The following ARSB variants were observed in gnomAD, a reference collection of about 807,000 sequenced individuals.
ARSB encodes arylsulfatase B.
Under a neutral mutation model 50.9 loss-of-function variants are expected in ARSB, and 41 were observed. The observed-to-expected ratio is 0.81, with a 90% CI of 0.63 to 1.04. The LOEUF is 1.04. Among genes scored for constraint, ARSB ranks in the 50% least tolerant of loss-of-function variants. ARSB has a pLI of 0.00. For missense variants in ARSB, 672 were observed against 693.3 expected, an observed-to-expected ratio of 0.97 and a Z score of 0.35; for synonymous variants, 269 against 284.8, an observed-to-expected ratio of 0.94 and a Z score of 0.56.
intron 4 of ARSB, among the ~76,000 whole-genome samples, chr5:78,925,111 C>A (rs1465451354): frequency 1.3e-5 from 2 of 152,110 alleles, no homozygotes; most frequent in African/African-American, 4.8e-5. Context: ...ATTATCATGA[C>A]CCATAATTTC....
At chr5:78,812,407 G>C (rs1377502531) in intron 6 of ARSB, among the ~76,000 whole-genome samples, 2 of 152,156 alleles carry the variant, frequency 1.3e-5, no homozygotes, top group Non-Finnish European at 2.9e-5. Flanking sequence ...ACCAGGCTGG[G>C]AAAGTTGTTT....
chr5:78,823,811 A>T (rs1189979183), intron 6 of ARSB, among the ~76,000 whole-genome samples: 2 of 152,230 alleles, frequency 1.3e-5, no homozygotes, highest in Non-Finnish European at 2.9e-5. Context: ...ACATTTTGGC[A>T]TTTGGATAAT....
At chr5:78,904,290 C>T (rs1054803852) in intron 4 of ARSB, among the ~76,000 whole-genome samples, 3 of 152,116 alleles carry the variant, frequency 2.0e-5, no homozygotes, top group Non-Finnish European at 4.4e-5. Context: ...AATAAAGATG[C>T]TATAAATATA....
intron 6 of ARSB, 67 bp from the exon 7 acceptor site, chr5:78,782,041 T>G (rs1748942678): frequency 1.2e-6 from 2 of 1,600,784 alleles, no homozygotes; most frequent in East Asian, 4.5e-5. Flanking sequence ...AATCAGCATT[T>G]TATACCCTTG....
At chr5:78,894,297 A>G (rs1253217921) in intron 4 of ARSB, among the ~76,000 whole-genome samples, 1 of 152,268 alleles carries the variant, frequency 6.6e-6, no homozygotes, top group Admixed American at 6.5e-5. Context: ...AGAGAAAGCT[A>G]GCACATTCTA....
intron 6 of ARSB, among the ~76,000 whole-genome samples, chr5:78,822,719 G>A (rs547077247): frequency 4.6e-5 from 7 of 152,036 alleles, no homozygotes; most frequent in Non-Finnish European, 8.8e-5. Context: ...CTTACTGCAA[G>A]CTCTGCCTTC....
chr5:78,808,009 C>T (rs1047793047), intron 6 of ARSB, among the ~76,000 whole-genome samples: 3 of 132,386 alleles, frequency 2.3e-5, no homozygotes, highest in South Asian at 5.1e-4. Flanking sequence ...AGGAGAATGG[C>T]GTGAACCCGG....
chr5:78,818,710 TG>T (rs1744099814), intron 6 of ARSB, among the ~76,000 whole-genome samples: 1 of 140,580 alleles, frequency 7.1e-6, no homozygotes, highest in Non-Finnish European at 1.5e-5. Context: ...CTCCGCCTCC[TG>T]GGTCCATGCC....
chr5:78,822,610 G>A (rs567488512), intron 6 of ARSB, among the ~76,000 whole-genome samples: 1 of 152,112 alleles, frequency 6.6e-6, no homozygotes, highest in East Asian at 1.9e-4. Context: ...TAACAATTTG[G>A]TATTCTCTTT....
intron 4 of ARSB, among the ~76,000 whole-genome samples, chr5:78,902,640 T>C (rs1748859906): frequency 1.3e-5 from 2 of 152,184 alleles, no homozygotes; most frequent in East Asian, 1.9e-4. Flanking sequence ...TCTAAAACAT[T>C]ATGCCAAATA....
chr5:78,794,173 G>C (rs59389620), intron 6 of ARSB, among the ~76,000 whole-genome samples: 13,988 of 152,076 alleles, frequency 0.092, 1,439 homozygotes, highest in African/African-American at 0.24. Flanking sequence ...TATAAGCTGG[G>C]TATAGGTGCT....
At chr5:78,897,166 A>G (rs974533883) in intron 4 of ARSB, among the ~76,000 whole-genome samples, 2 of 152,224 alleles carry the variant, frequency 1.3e-5, no homozygotes, top group Non-Finnish European at 2.9e-5. Context: ...TAGAGACTAG[A>G]CTTAGGTTCT....
At chr5:78,870,562 A>C in intron 5 of ARSB, among the ~76,000 whole-genome samples, 1 of 150,458 alleles carries the variant, frequency 6.6e-6, no homozygotes, top group Non-Finnish European at 1.5e-5. Flanking sequence ...AAAGACAAAA[A>C]CCACATGATT....
chr5:78,940,478 G>A lies in ARSB; in HGVS notation c.898+14817C>T, dbSNP rs549845730. 3.9e-5 allele frequency among the ~76,000 whole-genome samples: 6 copies of A among 152,288 alleles called. No individual in the cohort carries two copies. The East Asian group carries it at 9.6e-4, about 24-fold the overall frequency. ...ATTTTTGTATAAGGTGTAAGGAAAG[G>A]ATCCAGTTTCAGCTTTCTACATATG... is the stretch of plus-strand genomic sequence containing the variant. On this transcript the variant is annotated intron_variant, in intron 4 of 7. Coordinates refer to ENST00000264914, the MANE Select transcript of ARSB (RefSeq NM_000046.5).
rs1216502750 is a variant in ARSB, at chr5:78,885,655, G to A, written c.1071C>T (p.Leu357=). 1.2e-6 allele frequency: 2 copies of A among 1,614,100 alleles called. No homozygotes were observed. Among genetic ancestry groups the A allele is most frequent in the Non-Finnish European group, 8.5e-7 (1 of 1,180,034 alleles). Residue 357 remains leucine (L), a synonymous_variant, in exon 5 of 8, where the codon CTC becomes CTT. Coordinates refer to ENST00000264914, the MANE Select transcript of ARSB (RefSeq NM_000046.5). ...TGGTGTGTCCCCTGGCCAGCTTCACGAGTGTTGGCAGCCAGTCAGAGATGT... is the reference window on the plus strand; with the variant it reads ...TGGTGTGTCCCCTGGCCAGCTTCACAAGTGTTGGCAGCCAGTCAGAGATGT... The part of the protein sequence containing the change: ...LIHISDWLPT[L]VKLARGHTNG...
intron 7 of ARSB, 66 bp downstream of exon 7, chr5:78,781,786 G>A (rs1456929643): frequency 5.6e-6 from 9 of 1,604,214 alleles, no homozygotes; most frequent in Non-Finnish European, 6.8e-6. Flanking sequence ...TGGAGATACT[G>A]CCCTGAGGAC....
chr5:78,933,627 T>A (rs1750444164), intron 4 of ARSB, among the ~76,000 whole-genome samples: 1 of 151,992 alleles, frequency 6.6e-6, no homozygotes, highest in Non-Finnish European at 1.5e-5. Context: ...GCATGTGTGG[T>A]GAATGTTTCT....
intron 1 of ARSB, among the ~76,000 whole-genome samples, chr5:78,976,641 T>C (rs1287117810): frequency 3.9e-5 from 6 of 152,224 alleles, no homozygotes; most frequent in African/African-American, 1.2e-4. Context: ...AGAGAGAATA[T>C]GTACAATTAA....
At chr5:78,885,955 T>C (rs1748016031) in intron 4 of ARSB, 128 bp from the exon 5 acceptor site, 1 of 1,464,472 alleles carries the variant, frequency 6.8e-7, no homozygotes, top group Non-Finnish European at 9.4e-7. Flanking sequence ...TCCTTGCCTT[T>C]TCCCACCCTA....
Sources: gnomAD v4.1 joint callset for allele counts (sites outside exome capture counted in the v4.1 genomes callset) on GRCh38, gnomAD v4.1.1 for gene constraint, MANE v1.5 for transcripts, NCBI Gene and HGNC (gene_info 2026-07-23, HGNC 2026-07-21) for gene names.